The following SSMEM1 variants were observed in gnomAD, a reference collection of about 807,000 sequenced individuals.
SSMEM1 encodes serine-rich single-pass membrane protein 1.
SSMEM1 carries 12 observed loss-of-function variants against 9.9 expected under a neutral mutation model. That is an observed-to-expected ratio of 1.21 (90% confidence interval 0.78 to 1.96). The LOEUF (loss-of-function observed/expected upper bound fraction) is 1.96. SSMEM1 is among the 30% of genes most tolerant of loss of function. The pLI, the probability that SSMEM1 is intolerant of heterozygous loss-of-function variation, is 0.00. For missense variants in SSMEM1, 259 were observed against 292.2 expected, an observed-to-expected ratio of 0.89 and a Z score of 0.83; for synonymous variants, 96 against 98.9, an observed-to-expected ratio of 0.97 and a Z score of 0.17.
At chr7:130,213,578 A>G in intron 2 of SSMEM1, 44 bp downstream of exon 2, 1 of 1,566,642 alleles carries the variant, frequency 6.4e-7, no homozygotes, top group Non-Finnish European at 8.7e-7. Context: ...GAGGGGAAGA[A>G]TATGTGTGGT....
chr7:130,205,446 G>A (rs970374933), upstream of SSMEM1: 2 of 1,611,218 alleles, frequency 1.2e-6, no homozygotes, highest in Non-Finnish European at 1.7e-6. Flanking sequence ...TCAAGCGGGA[G>A]GCCACCGGCA....
rs760797706 is a variant in SSMEM1, at chr7:130,216,273, A to G, written c.538A>G (p.Lys180Glu). 1.2e-5 allele frequency: 20 copies of G among 1,614,198 alleles called. No individual in the cohort carries two copies. The highest frequency in any genetic ancestry group is 1.6e-5 in the Non-Finnish European group (19 of 1,180,050). Residue 180 changes from lysine to glutamate, a missense_variant, in exon 3 of 3, where the codon AAA becomes GAA. Coordinates refer to ENST00000297819, the MANE Select transcript of SSMEM1 (RefSeq NM_145268.4). Reference sequence around the variant, plus strand: ...ATCACCAGACAGTATTAAGAGGAGAAAAATGGCTCAGAGGCAAAGGAATCT... The same window carrying G: ...ATCACCAGACAGTATTAAGAGGAGAGAAATGGCTCAGAGGCAAAGGAATCT... ...HPSPDSIKRRKMAQRQRNLGS... is the reference protein window; with the variant it reads ...HPSPDSIKRREMAQRQRNLGS...
upstream of SSMEM1, among the ~76,000 whole-genome samples, chr7:130,206,445 A>G (rs1467007056): frequency 2.0e-5 from 3 of 152,222 alleles, no homozygotes; most frequent in African/African-American, 4.8e-5. Flanking sequence ...AAGCCATGCC[A>G]CAGTAAGCTA....
At chr7:130,209,523 C>G (rs1798552480) in intron 1 of SSMEM1, among the ~76,000 whole-genome samples, 1 of 152,198 alleles carries the variant, frequency 6.6e-6, no homozygotes, top group Non-Finnish European at 1.5e-5. Flanking sequence ...GCAAGCAAAG[C>G]TACTTTAGAA....
At position 130,208,110 on chromosome 7, in the gene SSMEM1, TC is replaced by T; in HGVS notation, c.183+18del. 1 of 1,584,330 alleles carries T rather than the reference TC, an allele frequency of 6.3e-7. No homozygotes were observed. On this transcript the variant is annotated intron_variant, in intron 1 of 2. Transcript: ENST00000297819. ...TCTGTCTGGGTAGGATATCTTTTTTTCATTTTAAATAATATGTTTACTGTAC... is the reference window on the plus strand; with the variant it reads ...TCTGTCTGGGTAGGATATCTTTTTTTATTTTAAATAATATGTTTACTGTAC...
rs757103154 is a variant in SSMEM1 at position 130,216,027 on chromosome 7, T to C, written c.292T>C (p.Ser98Pro). 27 of 1,614,040 alleles carry C rather than the reference T, an allele frequency of 1.7e-5. No homozygotes were observed. In the East Asian group the frequency reaches 6.0e-4, roughly 36 times the overall value. The change falls in exon 3 of 3, where the codon TCA (serine) becomes CCA (proline). Residue 98 changes from serine (S) to proline (P), a missense_variant. Transcript: ENST00000297819. ...RQSKDSAWDP[S>P]QTMKKPKQNQ... ...AAGCAAAGACAGTGCCTGGGATCCCTCACAAACAATGAAGAAACCAAAGCA... is the reference window on the plus strand; with the variant it reads ...AAGCAAAGACAGTGCCTGGGATCCCCCACAAACAATGAAGAAACCAAAGCA...
At chr7:130,212,581 C>T (rs573978710) in intron 1 of SSMEM1, among the ~76,000 whole-genome samples, 81 of 151,826 alleles carry the variant, frequency 5.3e-4, no homozygotes, top group African/African-American at 1.8e-3. Context: ...CAAAATTAGC[C>T]GGGCGTGGTG....
chr7:130,209,020 G>T (rs570916038), intron 1 of SSMEM1, among the ~76,000 whole-genome samples: 5 of 152,240 alleles, frequency 3.3e-5, no homozygotes. Context: ...AAGCCACCAC[G>T]CTCTGCTAAC....
At position 130,213,530 on chromosome 7, in the gene SSMEM1, GA is replaced by G; in HGVS notation, c.237del (p.Ala80GlnfsTer22). The G allele has an allele frequency of 6.2e-7, 1 of 1,611,546 alleles. No individual in the cohort carries two copies. Among genetic ancestry groups the G allele is most frequent in the East Asian group, 2.2e-5 (1 of 44,730 alleles). On this transcript the variant is annotated frameshift_variant, in exon 2 of 3. Transcript: ENST00000297819. LOFTEE classifies it low-confidence loss of function (END_TRUNC). ...GCAGTGGGACAAGTACTTCAGTAAG[GA>G]AAGGTGAGAACCAGTGCATATTTGG... ...EGSGTSTSVR[K>X]ASKETSCKRQ...
At position 130,213,464 on chromosome 7, in the gene SSMEM1, T is replaced by C. The variant is rs778233345; in HGVS notation, c.184-16T>C. 1 of 1,607,760 alleles carries C rather than the reference T, an allele frequency of 6.2e-7. No individual in the cohort carries two copies. Among genetic ancestry groups the C allele is most frequent in the Non-Finnish European group, 8.5e-7 (1 of 1,175,918 alleles). The stretch of plus-strand genomic sequence containing the variant: ...ACAACTGAGATCACTCTTACTAACC[T>C]ATGTTTCTGAAACAGATGTCTGAGG... On this transcript the variant is annotated splice_polypyrimidine_tract_variant and intron_variant, in intron 1 of 2. Transcript: ENST00000297819.
chr7:130,213,341 C>G (rs1390460302), intron 1 of SSMEM1, 139 bp from the exon 2 acceptor site: 24 of 515,796 alleles, frequency 4.7e-5, no homozygotes, highest in Non-Finnish European at 3.4e-5. Flanking sequence ...GAGTGAGACT[C>G]TCCAAAAATA....
At position 130,216,030 on chromosome 7, in the gene SSMEM1, C is replaced by A. The variant is rs754566893; in HGVS notation, c.295C>A (p.Gln99Lys). The A allele has an allele frequency of 3.7e-6, 6 of 1,614,214 alleles. No homozygotes were observed. The Admixed American group carries it at 5.0e-5, about 13-fold the overall frequency. Residue 99 changes from glutamine (Q) to lysine (K), a missense_variant, in exon 3 of 3, where the codon CAA becomes AAA. By Grantham distance (53) the Gln-to-Lys change is moderately conservative (BLOSUM62 1). Transcript: ENST00000297819. ...QSKDSAWDPS[Q>K]TMKKPKQNQL... ...CAAAGACAGTGCCTGGGATCCCTCA[C>A]AAACAATGAAGAAACCAAAGCAGAA...
chr7:130,208,500 T>C (rs998573357), intron 1 of SSMEM1, among the ~76,000 whole-genome samples: 1 of 152,244 alleles, frequency 6.6e-6, no homozygotes, highest in African/African-American at 2.4e-5. Flanking sequence ...GCACTTTTAA[T>C]GACTGCATAA....
At chr7:130,212,415 A>G (rs1455771634) in intron 1 of SSMEM1, among the ~76,000 whole-genome samples, 1 of 152,146 alleles carries the variant, frequency 6.6e-6, no homozygotes, top group Non-Finnish European at 1.5e-5. Context: ...TACCCTGATC[A>G]AGTGTCCTTT....
chr7:130,211,766 C>T (rs562657989), intron 1 of SSMEM1, among the ~76,000 whole-genome samples: 153 of 152,232 alleles, frequency 1.0e-3, no homozygotes, highest in African/African-American at 3.6e-3. Context: ...TTTATATGCT[C>T]CTTAAAGTCT....
chr7:130,208,253 G>C (rs1213154488), intron 1 of SSMEM1, among the ~76,000 whole-genome samples, 160 bp downstream of exon 1: 2 of 152,164 alleles, frequency 1.3e-5, no homozygotes, highest in Non-Finnish European at 2.9e-5. Context: ...TATGGAAAAG[G>C]ATGAAGAGGA....
chr7:130,210,398 C>T (rs1302337878), intron 1 of SSMEM1, among the ~76,000 whole-genome samples: 1 of 152,148 alleles, frequency 6.6e-6, no homozygotes, highest in African/African-American at 2.4e-5. Flanking sequence ...GGTAAAAGCA[C>T]GATGGAAATG....
chr7:130,208,399 G>T (rs1167806253), intron 1 of SSMEM1, among the ~76,000 whole-genome samples: 1 of 151,952 alleles, frequency 6.6e-6, no homozygotes, highest in Non-Finnish European at 1.5e-5. Context: ...GATCTTACAT[G>T]GTTGGCATTA....
rs1584713820 is a variant in SSMEM1 at position 130,213,523 on chromosome 7, C to T, written c.227C>T (p.Ser76Leu). 3 of 1,611,142 alleles carry T rather than the reference C, an allele frequency of 1.9e-6. No individual in the cohort carries two copies. Among genetic ancestry groups the T allele is most frequent in the Non-Finnish European group, 2.5e-6 (3 of 1,178,478 alleles). Residue 76 changes from serine (S) to leucine (L), a missense_variant, in exon 2 of 3, where the codon TCA becomes TTA. Transcript: ENST00000297819. ...KKDEGSGTST[S>L]VRKASKETSC... Reference sequence around the variant, plus strand: ...GATGAAGGCAGTGGGACAAGTACTTCAGTAAGGAAAGGTGAGAACCAGTGC... The same window carrying T: ...GATGAAGGCAGTGGGACAAGTACTTTAGTAAGGAAAGGTGAGAACCAGTGC...
Sources: allele counts gnomAD v4.1 joint callset (sites outside exome capture counted in the v4.1 genomes callset), GRCh38; gene constraint gnomAD v4.1.1; transcripts MANE v1.5; gene names NCBI Gene and HGNC (gene_info 2026-07-23, HGNC 2026-07-21).